The following TTC6 variants were observed in gnomAD, a reference collection of about 807,000 sequenced individuals.
TTC6 encodes tetratricopeptide repeat domain 6, also known as tetratricopeptide repeat protein 6.
A neutral mutation model predicts 210.4 loss-of-function variants in TTC6; 172 were observed. The observed-to-expected ratio is 0.82, with a 90% CI of 0.72 to 0.93. TTC6 has a LOEUF of 0.93. TTC6 is among the 40% of genes least tolerant of loss of function. The pLI is 0.00. For synonymous variants in TTC6, 804 were observed against 819.6 expected (o/e 0.98, Z 0.32); for missense variants, 2,414 against 2,318.1 (o/e 1.04, Z -0.85).
chr14:37,660,502 C>T (rs560816518), intron 1 of TTC6, among the ~76,000 whole-genome samples: 18 of 151,980 alleles, frequency 1.2e-4, no homozygotes, highest in African/African-American at 3.4e-4. Context: ...TCTATTACTG[C>T]GTTAGTTTGC....
At chr14:37,622,037 G>A, upstream of TTC6, 4 of 1,463,964 alleles carry the variant, frequency 2.7e-6, no homozygotes, top group Non-Finnish European at 3.6e-6. Context: ...TGTTTTGGGG[G>A]CTTACTTTAC....
Position 37,748,938 on chromosome 14 carries a change from G to A in TTC6, c.2364-1G>A, listed in dbSNP as rs1230478940. The A allele has an allele frequency of 1.4e-6, 2 of 1,460,460 alleles. No individual in the cohort carries two copies. Among genetic ancestry groups the A allele is most frequent in the Non-Finnish European group, 1.8e-6 (2 of 1,112,534 alleles). 90.5% of individuals were successfully genotyped at this position (1,460,460 alleles called of 1,614,324 possible). A position where few individuals can be genotyped will look rare whatever the true frequency, so the allele number is the denominator to read the frequency against. ...AAAAAAATCACTCTTTTAAAAACTA[G>A]ATCAGCATCTCATGGAATACTTCCG... On this transcript the variant is annotated splice_acceptor_variant, in intron 10 of 30. Coordinates refer to ENST00000553443, the Ensembl canonical transcript of TTC6. LOFTEE classifies it high-confidence loss of function.
At chr14:37,807,530 C>T in intron 23 of TTC6, 70 bp downstream of exon 25, 5 of 1,313,346 alleles carry the variant, frequency 3.8e-6, no homozygotes, top group Non-Finnish European at 5.0e-6. Context: ...AGGCAGGGGA[C>T]TCACTTACTT....
intron 1 of TTC6, 57 bp from the exon 2 acceptor site, chr14:37,606,606 T>G: frequency 5.4e-6 from 2 of 369,594 alleles, no homozygotes; most frequent in Non-Finnish European, 7.5e-6. Flanking sequence ...AGACCTTGAG[T>G]GACTCATTTT....
At chr14:37,798,731 GT>G (rs1319071391) in intron 20 of TTC6, among the ~76,000 whole-genome samples, 1 of 151,786 alleles carries the variant, frequency 6.6e-6, no homozygotes, top group Non-Finnish European at 1.5e-5. Context: ...ATTGATTTTT[GT>G]AGATAATTTA....
intron 25 of TTC6, among the ~76,000 whole-genome samples, chr14:37,816,012 A>G (rs1487170527): frequency 2.0e-5 from 3 of 151,598 alleles, no homozygotes; most frequent in African/African-American, 7.3e-5. Flanking sequence ...AATGTTTGTA[A>G]TAAAGCTCAC....
At chr14:37,768,329 T>G (rs1265712638) in intron 14 of TTC6, among the ~76,000 whole-genome samples, 1 of 151,642 alleles carries the variant, frequency 6.6e-6, no homozygotes, top group African/African-American at 2.4e-5. Context: ...TTTTTCCAAT[T>G]CTGTGAAGAA....
chr14:37,700,565 A>G (rs529763349), intron 4 of TTC6, among the ~76,000 whole-genome samples: 1 of 151,978 alleles, frequency 6.6e-6, no homozygotes, highest in African/African-American at 2.4e-5. Context: ...CAACATTGGG[A>G]AACCCCATCT....
At chr14:37,768,017 A>C (rs199841840) in intron 14 of TTC6, among the ~76,000 whole-genome samples, 17,511 of 150,018 alleles carry the variant, frequency 0.12, 1,330 homozygotes, top group East Asian at 0.31. Context: ...CTTTCTACAT[A>C]TGGCCAGCCA....
chr14:37,816,076 A>T (rs2096140961), intron 25 of TTC6, among the ~76,000 whole-genome samples: 1 of 151,130 alleles, frequency 6.6e-6, no homozygotes, highest in African/African-American at 2.4e-5. Flanking sequence ...AAATCCTCCT[A>T]GAGAGATGTC....
intron 29 of TTC6, among the ~76,000 whole-genome samples, chr14:37,836,354 G>A (rs537572726): frequency 2.6e-5 from 4 of 152,232 alleles, no homozygotes; most frequent in African/African-American, 9.6e-5. Context: ...ATGTTTATGT[G>A]CATTGTAGTT....
intron 14 of TTC6, among the ~76,000 whole-genome samples, chr14:37,756,384 T>A (rs886555750): frequency 1.3e-5 from 2 of 152,194 alleles, no homozygotes; most frequent in Admixed American, 6.5e-5. Context: ...TCCAATACTA[T>A]GTTGAATAGG....
chr14:37,790,909 T>G (rs2096077831), intron 16 of TTC6, 72 bp downstream of exon 18: 1 of 1,343,728 alleles, frequency 7.4e-7, no homozygotes. Context: ...GGAGAAAAAG[T>G]TTCTTTCCCC....
intron 1 of TTC6, among the ~76,000 whole-genome samples, chr14:37,679,815 C>A (rs1000753476): frequency 6.6e-6 from 1 of 151,948 alleles, no homozygotes; most frequent in African/African-American, 2.4e-5. Flanking sequence ...CTCAGCCTCC[C>A]AAGTAGCTGG....
chr14:37,839,685 C>G (rs528431819), intron 29 of TTC6, among the ~76,000 whole-genome samples: 6 of 152,202 alleles, frequency 3.9e-5, no homozygotes, highest in African/African-American at 1.4e-4. Flanking sequence ...GCTTTTGTTC[C>G]CATTGCTTTT....
At chr14:37,769,509 CT>C (rs2096010876) in intron 14 of TTC6, among the ~76,000 whole-genome samples, 1 of 151,978 alleles carries the variant, frequency 6.6e-6, no homozygotes, top group African/African-American at 2.4e-5. Flanking sequence ...AGAGATTCAA[CT>C]TCTTCCTGGT....
chr14:37,646,224 C>G (rs1484181318), intron 1 of TTC6, among the ~76,000 whole-genome samples: 2 of 152,080 alleles, frequency 1.3e-5, no homozygotes, highest in Non-Finnish European at 2.9e-5. Context: ...TGTGCCAAGA[C>G]CAGTTATAGA....
chr14:37,641,205 GTTTATTT>G (rs1478078348), intron 1 of TTC6, among the ~76,000 whole-genome samples: 1 of 152,184 alleles, frequency 6.6e-6, no homozygotes, highest in African/African-American at 2.4e-5. Flanking sequence ...ATGGGAAGCT[GTTTATTT>G]TTTATTACTG....
chr14:37,812,644 T>G (rs1351159888), intron 25 of TTC6, among the ~76,000 whole-genome samples: 3 of 132,708 alleles, frequency 2.3e-5, no homozygotes, highest in Non-Finnish European at 5.4e-5. Context: ...AGCCAATACA[T>G]TTTTAAACAT....
Sources: gnomAD v4.1 joint callset for allele counts (sites outside exome capture counted in the v4.1 genomes callset) on GRCh38, gnomAD v4.1.1 for gene constraint, MANE v1.5 for transcripts, NCBI Gene and HGNC (gene_info 2026-07-23, HGNC 2026-07-21) for gene names.